NTN1: variants seen among roughly 807,000 people sequenced by gnomAD.
NTN1 encodes the protein netrin 1.
Under a neutral mutation model 54.2 loss-of-function variants are expected in NTN1, and 11 were observed. That is an observed-to-expected ratio of 0.20 (90% CI 0.13 to 0.34). The LOEUF is 0.34. Among genes scored for constraint, NTN1 ranks in the 10% least tolerant of loss-of-function variants. NTN1 has a pLI of 1.00. For missense variants in NTN1, 740 were observed against 893.1 expected, an observed-to-expected ratio of 0.83 and a Z score of 2.18; for synonymous variants, 371 against 382.0, an observed-to-expected ratio of 0.97 and a Z score of 0.33.
intron 2 of NTN1, among the ~76,000 whole-genome samples, chr17:9,023,934 A>AT: frequency 6.6e-6 from 1 of 152,192 alleles, no homozygotes; most frequent in Admixed American, 6.5e-5. Flanking sequence ...ATTTGAAACT[A>AT]TTTTTGTCTC....
intron 5 of NTN1, among the ~76,000 whole-genome samples, chr17:9,210,912 A>G (rs1306229062): frequency 2.8e-4 from 34 of 121,694 alleles, no homozygotes; most frequent in African/African-American, 1.0e-3. Context: ...TCTGAAAAAA[A>G]AAAAAAAAAA....
chr17:9,137,003 G>T (rs953088828), intron 2 of NTN1, among the ~76,000 whole-genome samples: 1 of 152,172 alleles, frequency 6.6e-6, no homozygotes, highest in African/African-American at 2.4e-5. Context: ...CCTCTCTCAG[G>T]ATTCCTGGTG....
intron 4 of NTN1, 115 bp from the exon 5 acceptor site, chr17:9,182,801 G>T: frequency 9.7e-7 from 1 of 1,033,050 alleles, no homozygotes. Flanking sequence ...AAACGGAGGG[G>T]AGGGTCCCAG....
intron 2 of NTN1, among the ~76,000 whole-genome samples, chr17:9,082,308 G>A (rs539399384): frequency 6.6e-6 from 1 of 152,228 alleles, no homozygotes; most frequent in African/African-American, 2.4e-5. Context: ...TGATCCTCCC[G>A]CCTCAGCCTC....
intron 2 of NTN1, among the ~76,000 whole-genome samples, chr17:9,057,439 T>C (rs994167223): frequency 6.6e-6 from 1 of 152,152 alleles, no homozygotes; most frequent in African/African-American, 2.4e-5. Context: ...TATCACTATA[T>C]TGTTTGCTTT....
At chr17:9,151,537 G>A (rs2092327668) in intron 2 of NTN1, among the ~76,000 whole-genome samples, 1 of 152,140 alleles carries the variant, frequency 6.6e-6, no homozygotes, top group South Asian at 2.1e-4. Context: ...CGGCATTTCT[G>A]GTATCAGAGA....
intron 2 of NTN1, among the ~76,000 whole-genome samples, chr17:9,090,767 C>T (rs1365769957): frequency 6.6e-6 from 1 of 152,044 alleles, no homozygotes; most frequent in Non-Finnish European, 1.5e-5. Flanking sequence ...GTCAAATGCT[C>T]CTATGGACTG....
intron 2 of NTN1, among the ~76,000 whole-genome samples, chr17:9,031,236 C>T (rs1204487375): frequency 6.6e-6 from 1 of 151,990 alleles, no homozygotes; most frequent in East Asian, 1.9e-4. Flanking sequence ...TCCTGAGGGC[C>T]TGTATGCTGT....
At chr17:9,224,597 C>T (rs540165042) in intron 6 of NTN1, among the ~76,000 whole-genome samples, 11 of 152,356 alleles carry the variant, frequency 7.2e-5, no homozygotes, top group Non-Finnish European at 1.0e-4. Flanking sequence ...CCCAGCCTCC[C>T]GCCCCTTCCA....
rs1379660770 is a variant in NTN1 at position 9,243,835 on chromosome 17, ATATATT to A, written c.*3870_*3875del. ...AATATATTATGGTTATTATATATGA[ATATATT>A]TAATGACATGGAAAAAGTTGTGGAT... is the stretch of plus-strand genomic sequence containing the variant. On this transcript the variant is annotated 3_prime_UTR_variant, in exon 7 of 7. Coordinates refer to ENST00000173229, the MANE Select transcript of NTN1 (RefSeq NM_004822.3). The A allele has an allele frequency of 1.4e-5, 2 of 141,712 alleles. No homozygotes were observed. The highest frequency in any genetic ancestry group is 1.5e-4 in the Admixed American group (2 of 13,440). The allele number at this position is 141,712 out of a possible 1,614,324, so 8.8% of individuals were successfully genotyped here. A position where few individuals can be genotyped will look rare whatever the true frequency, so the allele number is the denominator to read the frequency against.
Position 9,023,343 on chromosome 17 carries a change from G to T in NTN1, c.970G>T (p.Asp324Tyr). Residue 324 changes from aspartate (D) to tyrosine (Y), a missense_variant, in exon 2 of 7, where the codon GAC becomes TAC. By Grantham distance (160) the Asp-to-Tyr change is radical (BLOSUM62 -3). Transcript: ENST00000173229. ...CGACCGCTGCAAGCCCTTCCACTAC[G>T]ACCGGCCCTGGCAGCGCGCCACAGC... The part of the protein sequence containing the change: ...ECDRCKPFHY[D>Y]RPWQRATARE... The T allele has an allele frequency of 6.6e-7, 1 of 1,509,302 alleles. No homozygotes were observed. The highest frequency in any genetic ancestry group is 8.9e-7 in the Non-Finnish European group (1 of 1,128,114). 93.5% of individuals were successfully genotyped at this position (1,509,302 alleles called of 1,614,324 possible).
chr17:9,116,299 G>GCCAC (rs72143235), intron 2 of NTN1, among the ~76,000 whole-genome samples: 182 of 151,144 alleles, frequency 1.2e-3, no homozygotes, highest in African/African-American at 4.0e-3. Context: ...AGAGTTTTGA[G>GCCAC]CCACCCACCC....
At chr17:9,091,974 G>A (rs1032497261) in intron 2 of NTN1, among the ~76,000 whole-genome samples, 5 of 150,962 alleles carry the variant, frequency 3.3e-5, no homozygotes, top group African/African-American at 9.7e-5. Context: ...GTTGTCCTTC[G>A]GTGACTCCCG....
intron 3 of NTN1, among the ~76,000 whole-genome samples, chr17:9,164,076 ATCT>A (rs1166918668): frequency 6.6e-6 from 1 of 152,266 alleles, no homozygotes; most frequent in Non-Finnish European, 1.5e-5. Context: ...CAAAAGTATC[ATCT>A]TCTTAACAGG....
intron 2 of NTN1, among the ~76,000 whole-genome samples, chr17:9,079,539 C>T (rs942533743): frequency 2.0e-5 from 3 of 152,166 alleles, no homozygotes; most frequent in Non-Finnish European, 2.9e-5. Flanking sequence ...GTTTCCCCAG[C>T]GGACCTATTT....
At chr17:9,091,861 T>C (rs1368777242) in intron 2 of NTN1, among the ~76,000 whole-genome samples, 1 of 152,138 alleles carries the variant, frequency 6.6e-6, no homozygotes, top group Non-Finnish European at 1.5e-5. Flanking sequence ...TCTATACCCC[T>C]GAAACAACTT....
At position 9,125,336 on chromosome 17, in the gene NTN1, C is replaced by T. The variant is rs1358624320; in HGVS notation, c.1019-37477C>T. Among the ~76,000 whole-genome samples, 4 of 152,192 alleles carry T rather than the reference C, an allele frequency of 2.6e-5. 1 individual carries two copies. Among genetic ancestry groups the T allele is most frequent in the South Asian group, 4.2e-4 (2 of 4,818 alleles). The stretch of plus-strand genomic sequence containing the variant: ...CCGCCTCCCGGGTTCAAGCAACTCT[C>T]CTGCCTCAGCCTCCCAGATAGGTGG... On this transcript the variant is annotated intron_variant, in intron 2 of 6. Transcript: ENST00000173229.
chr17:9,210,190 T>C (rs1280923689), intron 5 of NTN1, among the ~76,000 whole-genome samples: 9 of 152,122 alleles, frequency 5.9e-5, no homozygotes, highest in African/African-American at 1.4e-4. Flanking sequence ...AGCTGGGTCC[T>C]GCCTCAGGGC....
intron 2 of NTN1, among the ~76,000 whole-genome samples, chr17:9,120,998 C>G (rs943599400): frequency 1.3e-5 from 2 of 152,248 alleles, no homozygotes; most frequent in South Asian, 4.1e-4. Flanking sequence ...CATCAGGGAC[C>G]GCAAGGATTA....
Sources: gnomAD v4.1 joint callset for allele counts (sites outside exome capture counted in the v4.1 genomes callset) on GRCh38, gnomAD v4.1.1 for gene constraint, MANE v1.5 for transcripts, NCBI Gene and HGNC (gene_info 2026-07-23, HGNC 2026-07-21) for gene names.